Variants in LRFN2 observed in about 807,000 individuals in gnomAD.
LRFN2 encodes leucine rich repeat and fibronectin type III domain containing 2.
Under a neutral mutation model 37.3 loss-of-function variants are expected in LRFN2, and 18 were observed. The observed-to-expected ratio is 0.48, with a 90% CI of 0.33 to 0.72. The LOEUF (loss-of-function observed/expected upper bound fraction) is 0.72, where lower values mean the gene tolerates loss of function less well. Among genes scored for constraint, LRFN2 ranks in the 30% least tolerant of loss-of-function variants. The probability of loss-of-function intolerance (pLI) is 0.02; values close to 1 mark genes in which losing one functional copy is unlikely to be tolerated. For missense variants in LRFN2, 1,006 were observed against 1,060.7 expected (o/e 0.95, Z 0.72); for synonymous variants, 556 against 466.6 (o/e 1.19, Z -2.47).
At chr6:40,545,947 G>A (rs1766652079) in intron 1 of LRFN2, among the ~76,000 whole-genome samples, 1 of 152,154 alleles carries the variant, frequency 6.6e-6, no homozygotes, top group African/African-American at 2.4e-5. Context: ...CTAGAATCAT[G>A]CCTGCCCAGG....
chr6:40,557,515 G>C (rs1766912688), intron 1 of LRFN2, among the ~76,000 whole-genome samples: 1 of 152,166 alleles, frequency 6.6e-6, no homozygotes. Context: ...GGGTCAGGGA[G>C]ACTCTGTGGA....
intron 1 of LRFN2, among the ~76,000 whole-genome samples, chr6:40,508,461 C>T (rs1765603893): frequency 6.6e-6 from 1 of 152,114 alleles, no homozygotes; most frequent in African/African-American, 2.4e-5. Context: ...GGGGATCCAC[C>T]CAAGAGGACC....
At chr6:40,480,534 T>A (rs902189093) in intron 1 of LRFN2, among the ~76,000 whole-genome samples, 2 of 152,154 alleles carry the variant, frequency 1.3e-5, no homozygotes, top group Admixed American at 1.3e-4. Context: ...TGCTTCGGCC[T>A]CCCAAAGTGC....
intron 2 of LRFN2, among the ~76,000 whole-genome samples, chr6:40,417,800 A>T (rs1763129880): frequency 6.6e-6 from 1 of 152,058 alleles, no homozygotes; most frequent in Non-Finnish European, 1.5e-5. Flanking sequence ...CGCACACCCT[A>T]ATCTCCTCCT....
chr6:40,400,767 T>G (rs1762721539), intron 2 of LRFN2, among the ~76,000 whole-genome samples: 1 of 151,814 alleles, frequency 6.6e-6, no homozygotes. Context: ...CAAGGGCTCC[T>G]GAAAACCTTT....
At position 40,545,348 on chromosome 6, in the gene LRFN2, G is replaced by T. The variant is rs958484036; in HGVS notation, c.-19+41593C>A. ...GGTGTGGTTGGGCTGGGCAGGGCAA[G>T]GTCCTGGAGTTTTAGGACCTCCTAC... On this transcript the variant is annotated intron_variant, in intron 1 of 2. Coordinates refer to ENST00000338305, the MANE Select transcript of LRFN2 (RefSeq NM_020737.3). 2.6e-5 allele frequency among the ~76,000 whole-genome samples: 4 copies of T among 152,276 alleles called. No homozygotes were observed. In the South Asian group the frequency reaches 8.3e-4, roughly 32 times the overall value.
chr6:40,495,844 C>A (rs1765212672), intron 1 of LRFN2, among the ~76,000 whole-genome samples: 2 of 152,186 alleles, frequency 1.3e-5, no homozygotes, highest in African/African-American at 4.8e-5. Flanking sequence ...CCAACACCTT[C>A]TAGTGGATGA....
intron 1 of LRFN2, among the ~76,000 whole-genome samples, chr6:40,437,328 C>T (rs1763707790): frequency 6.6e-6 from 1 of 152,164 alleles, no homozygotes; most frequent in African/African-American, 2.4e-5. Context: ...CCTTTGTGCC[C>T]TTCTACCCTT....
At chr6:40,570,757 G>A (rs1264004379) in intron 1 of LRFN2, among the ~76,000 whole-genome samples, 1 of 152,212 alleles carries the variant, frequency 6.6e-6, no homozygotes, top group African/African-American at 2.4e-5. Context: ...CATGCAGACT[G>A]TAGAGAAATG....
At chr6:40,555,058 T>G (rs1561906093) in intron 1 of LRFN2, among the ~76,000 whole-genome samples, 1 of 152,234 alleles carries the variant, frequency 6.6e-6, no homozygotes, top group Non-Finnish European at 1.5e-5. Context: ...GTTAAATAAT[T>G]TCCCCTGAGT....
chr6:40,461,671 A>G (rs539236209), intron 1 of LRFN2, among the ~76,000 whole-genome samples: 1 of 150,892 alleles, frequency 6.6e-6, no homozygotes, highest in African/African-American at 2.4e-5. Context: ...AGTAAACATG[A>G]TATCAGAAGG....
chr6:40,459,297 G>C (rs1432888903), intron 1 of LRFN2, among the ~76,000 whole-genome samples: 1 of 152,168 alleles, frequency 6.6e-6, no homozygotes, highest in Non-Finnish European at 1.5e-5. Flanking sequence ...CAAAGTCTAT[G>C]ATGGAGAAGT....
chr6:40,525,979 G>A (rs756774084), intron 1 of LRFN2, among the ~76,000 whole-genome samples: 4 of 152,198 alleles, frequency 2.6e-5, no homozygotes, highest in Non-Finnish European at 4.4e-5. Flanking sequence ...ACGAAGGCAC[G>A]AGATCGGTGC....
chr6:40,513,867 A>C (rs1294025265), intron 1 of LRFN2, among the ~76,000 whole-genome samples: 1 of 151,702 alleles, frequency 6.6e-6, no homozygotes, highest in African/African-American at 2.4e-5. Flanking sequence ...GAGCCCACCA[A>C]GTGAAGCACT....
intron 1 of LRFN2, among the ~76,000 whole-genome samples, chr6:40,490,642 A>G (rs767758143): frequency 3.7e-4 from 57 of 152,200 alleles, no homozygotes; most frequent in Non-Finnish European, 6.3e-4. Context: ...CACAGGCCAC[A>G]GCATATGGCC....
intron 1 of LRFN2, among the ~76,000 whole-genome samples, chr6:40,467,436 C>T (rs1279920674): frequency 6.6e-6 from 1 of 152,050 alleles, no homozygotes; most frequent in Non-Finnish European, 1.5e-5. Context: ...GGTGACATCC[C>T]CTCCTCCAAT....
intron 1 of LRFN2, among the ~76,000 whole-genome samples, chr6:40,582,939 T>C (rs2494948): frequency 0.5 from 75,989 of 151,866 alleles, 19,519 homozygotes; most frequent in Middle Eastern, 0.59. Flanking sequence ...GTGATGCTGA[T>C]GCTGGTCCAC....
intron 1 of LRFN2, among the ~76,000 whole-genome samples, chr6:40,540,390 T>G (rs990701429): frequency 6.6e-6 from 1 of 152,090 alleles, no homozygotes; most frequent in Non-Finnish European, 1.5e-5. Context: ...ATCCCAAGCT[T>G]TTGCAAAGCA....
intron 1 of LRFN2, among the ~76,000 whole-genome samples, chr6:40,441,232 T>C (rs1198956413): frequency 2.0e-5 from 3 of 152,048 alleles, no homozygotes; most frequent in African/African-American, 7.2e-5. Context: ...TGTGAGCCAA[T>C]GTGTGAATGA....
Sources: gnomAD v4.1 joint callset for allele counts (sites outside exome capture counted in the v4.1 genomes callset) on GRCh38, gnomAD v4.1.1 for gene constraint, MANE v1.5 for transcripts, NCBI Gene and HGNC (gene_info 2026-07-23, HGNC 2026-07-21) for gene names.